C10orf67: variants seen among roughly 807,000 people sequenced by gnomAD.
C10orf67 encodes chromosome 10 open reading frame 67, also known as uncharacterized protein C10orf67, mitochondrial.
Under a neutral mutation model 35.6 loss-of-function variants are expected in C10orf67, and 60 were observed. The observed-to-expected ratio is 1.68, with a 90% CI of 1.37 to 2.09. C10orf67 has a LOEUF of 2.09. Ranked by LOEUF, C10orf67 falls within the 30% of genes most tolerant of loss-of-function variation. The probability of loss-of-function intolerance (pLI) is 0.00; values close to 1 mark genes in which losing one functional copy is unlikely to be tolerated. For missense variants in C10orf67, 474 were observed against 330.2 expected, an observed-to-expected ratio of 1.44 and a Z score of -3.38; for synonymous variants, 167 against 115.8, an observed-to-expected ratio of 1.44 and a Z score of -2.84.
chr10:23,297,539 C>T (rs1468195724), intron 5 of C10orf67, among the ~76,000 whole-genome samples: 1 of 152,192 alleles, frequency 6.6e-6, no homozygotes, highest in Non-Finnish European at 1.5e-5. Flanking sequence ...GAGGGGATTA[C>T]TTTCAAGTAC....
At chr10:23,333,216 C>T in intron 1 of C10orf67, 34 bp from the exon 2 acceptor site, 1 of 1,540,478 alleles carries the variant, frequency 6.5e-7, no homozygotes, top group Non-Finnish European at 8.9e-7. Context: ...TGCTTTAAGT[C>T]ATAGATATTT....
chr10:23,223,412 G>C (rs1841640486), intron 15 of C10orf67, among the ~76,000 whole-genome samples, 186 bp downstream of exon 15: 1 of 152,150 alleles, frequency 6.6e-6, no homozygotes, highest in Non-Finnish European at 1.5e-5. Context: ...GTGATCAGTA[G>C]TCAGAAGTAT....
intron 15 of C10orf67, among the ~76,000 whole-genome samples, chr10:23,210,629 A>G (rs1841283370): frequency 6.6e-6 from 1 of 152,150 alleles, no homozygotes; most frequent in East Asian, 1.9e-4. Context: ...CATGTTGGAC[A>G]GGATGGTCTC....
chr10:23,246,657 GCTGAAAAGTTCTCA>G (rs1382679860), intron 12 of C10orf67, among the ~76,000 whole-genome samples: 1 of 152,170 alleles, frequency 6.6e-6, no homozygotes, highest in Non-Finnish European at 1.5e-5. Flanking sequence ...TTATAATGGA[GCTGAAAAGTTCTCA>G]CTGCCTAGTA....
intron 1 of C10orf67, 145 bp downstream of exon 1, chr10:23,344,424 G>C (rs1846056189): frequency 2.4e-6 from 2 of 816,736 alleles, no homozygotes; most frequent in Admixed American, 4.8e-5. Context: ...CTGCCTCAAG[G>C]CTTCCCCACA....
At chr10:23,324,924 T>C (rs572714025) in intron 2 of C10orf67, among the ~76,000 whole-genome samples, 1 of 152,288 alleles carries the variant, frequency 6.6e-6, no homozygotes, top group South Asian at 2.1e-4. Context: ...CCTCATACTA[T>C]ATAGGAGGTT....
At chr10:23,289,843 A>T (rs1417940944) in intron 7 of C10orf67, 57 bp downstream of exon 7, 1 of 707,686 alleles carries the variant, frequency 1.4e-6, no homozygotes, top group African/African-American at 1.8e-5. Flanking sequence ...TATTTGGCCA[A>T]TTGCGCCTAT....
chr10:23,319,853 G>A (rs1428494137), intron 4 of C10orf67, among the ~76,000 whole-genome samples: 2 of 152,172 alleles, frequency 1.3e-5, no homozygotes, highest in Non-Finnish European at 2.9e-5. Flanking sequence ...AAGGGAGCTG[G>A]AAGAGGAAGA....
intron 4 of C10orf67, among the ~76,000 whole-genome samples, chr10:23,320,456 A>T (rs72788418): frequency 6.6e-6 from 1 of 152,330 alleles, no homozygotes; most frequent in Non-Finnish European, 1.5e-5. Flanking sequence ...GGACCATCTG[A>T]CCTTAGTCTA....
At chr10:23,297,764 G>A (rs1366174202) in intron 5 of C10orf67, among the ~76,000 whole-genome samples, 2 of 152,236 alleles carry the variant, frequency 1.3e-5, no homozygotes, top group African/African-American at 2.4e-5. Context: ...AGTTGCACAA[G>A]TGCGCAGTCG....
In C10orf67 at chr10:23,322,214, T is replaced by C. The variant is rs552447853; in HGVS notation, c.471+180A>G. 6.6e-5 allele frequency among the ~76,000 whole-genome samples: 10 copies of C among 152,088 alleles called. No homozygotes were observed. In the South Asian group the frequency reaches 2.1e-3, roughly 32 times the overall value. On this transcript the variant is annotated intron_variant, in intron 3 of 15. Transcript: ENST00000636213. ...AATGTGAGAATTAAATCAGTTCATA[T>C]GCTAAGTACTTACACAAGTCCCTGA...
intron 4 of C10orf67, among the ~76,000 whole-genome samples, chr10:23,319,516 T>C (rs543266052): frequency 2.0e-5 from 3 of 152,330 alleles, no homozygotes; most frequent in Admixed American, 2.0e-4. Context: ...TCTTTGGATA[T>C]ATAACCAGCA....
chr10:23,296,284 G>T (rs532341433), intron 5 of C10orf67, among the ~76,000 whole-genome samples: 2 of 152,080 alleles, frequency 1.3e-5, no homozygotes, highest in African/African-American at 4.8e-5. Flanking sequence ...TTGCCAGCTC[G>T]AATGCCTGGG....
chr10:23,278,405 T>G (rs1231822382), intron 8 of C10orf67, among the ~76,000 whole-genome samples: 2 of 152,226 alleles, frequency 1.3e-5, no homozygotes, highest in African/African-American at 4.8e-5. Flanking sequence ...CCATATATAG[T>G]GTGGGTTAAG....
At chr10:23,236,737 C>G (rs1450449314) in intron 13 of C10orf67, among the ~76,000 whole-genome samples, 10 of 151,420 alleles carry the variant, frequency 6.6e-5, no homozygotes, top group Non-Finnish European at 1.5e-5. Flanking sequence ...ATTAGCCAGG[C>G]TTGGTGGTGC....
chr10:23,212,564 G>C (rs1841336046), intron 15 of C10orf67, among the ~76,000 whole-genome samples: 1 of 152,146 alleles, frequency 6.6e-6, no homozygotes, highest in Non-Finnish European at 1.5e-5. Context: ...CCTGGGCTAT[G>C]GCTTTGTAGT....
intron 4 of C10orf67, among the ~76,000 whole-genome samples, chr10:23,316,088 G>C (rs532096498): frequency 2.0e-5 from 3 of 152,150 alleles, no homozygotes; most frequent in Non-Finnish European, 4.4e-5. Context: ...CCGCTTGGCC[G>C]GGCAGGCTGT....
intron 15 of C10orf67, among the ~76,000 whole-genome samples, chr10:23,211,614 TA>T (rs1841310396): frequency 6.6e-6 from 1 of 152,184 alleles, no homozygotes; most frequent in African/African-American, 2.4e-5. Flanking sequence ...AAGTGTTCTT[TA>T]AAAAAATGAC....
intron 15 of C10orf67, among the ~76,000 whole-genome samples, chr10:23,209,489 C>G (rs1039838219): frequency 3.3e-5 from 5 of 152,030 alleles, no homozygotes; most frequent in African/African-American, 9.7e-5. Flanking sequence ...TTTAGCAATA[C>G]TGTACTGTAT....
Sources: allele counts gnomAD v4.1 joint callset (sites outside exome capture counted in the v4.1 genomes callset), GRCh38; gene constraint gnomAD v4.1.1; transcripts MANE v1.5; gene names NCBI Gene and HGNC (gene_info 2026-07-23, HGNC 2026-07-21).